The following MIPOL1 variants were observed in gnomAD, a reference collection of about 807,000 sequenced individuals.
MIPOL1 encodes the protein mirror-image polydactyly gene 1 protein.
In MIPOL1, 57 loss-of-function variants were observed where a neutral mutation model predicts 60.9. That is an observed-to-expected ratio of 0.94 (90% CI 0.76 to 1.17). The LOEUF (loss-of-function observed/expected upper bound fraction) is 1.17, where lower values mean the gene tolerates loss of function less well. MIPOL1 is among the 50% of genes most tolerant of loss of function. The pLI is 0.00. For synonymous variants in MIPOL1, 179 were observed against 168.8 expected (o/e 1.06, Z -0.47); for missense variants, 551 against 511.6 (o/e 1.08, Z -0.74).
chr14:37,463,820 C>A (rs1451642338), intron 11 of MIPOL1, among the ~76,000 whole-genome samples: 2 of 152,116 alleles, frequency 1.3e-5, no homozygotes, highest in Non-Finnish European at 2.9e-5. Context: ...ATTAAACTGA[C>A]AACCTACAGA....
chr14:37,532,791 A>G (rs2095487472), intron 12 of MIPOL1, among the ~76,000 whole-genome samples: 1 of 152,136 alleles, frequency 6.6e-6, no homozygotes, highest in Admixed American at 6.5e-5. Context: ...TAATATGAGT[A>G]GTTGCTGTAA....
At chr14:37,420,864 C>T (rs1377178534) in intron 10 of MIPOL1, among the ~76,000 whole-genome samples, 4 of 152,020 alleles carry the variant, frequency 2.6e-5, no homozygotes, top group Non-Finnish European at 5.9e-5. Context: ...AACAAGATCA[C>T]TGTAGCATAG....
chr14:37,424,127 C>T (rs757288427), intron 11 of MIPOL1, among the ~76,000 whole-genome samples: 3 of 152,150 alleles, frequency 2.0e-5, no homozygotes, highest in Admixed American at 6.6e-5. Flanking sequence ...AAGTTAAGCA[C>T]TCCTGCTTTG....
intron 9 of MIPOL1, among the ~76,000 whole-genome samples, chr14:37,337,945 C>T (rs932119585): frequency 6.6e-6 from 1 of 151,952 alleles, no homozygotes; most frequent in African/African-American, 2.4e-5. Flanking sequence ...TTGTCTAACT[C>T]ATGGTCACTA....
At chr14:37,271,793 G>T (rs1045632145) in intron 6 of MIPOL1, among the ~76,000 whole-genome samples, 1 of 151,554 alleles carries the variant, frequency 6.6e-6, no homozygotes, top group Admixed American at 6.6e-5. Flanking sequence ...CAAGAATTTT[G>T]ATGCATTTGC....
intron 11 of MIPOL1, among the ~76,000 whole-genome samples, chr14:37,449,815 C>G (rs372157318): frequency 6.7e-6 from 1 of 148,840 alleles, no homozygotes; most frequent in Non-Finnish European, 1.5e-5. Flanking sequence ...TATTTATTTA[C>G]TTAATTTATT....
intron 9 of MIPOL1, among the ~76,000 whole-genome samples, chr14:37,346,519 A>ATTT (rs1400878742): frequency 1.3e-5 from 2 of 152,052 alleles, no homozygotes; most frequent in Non-Finnish European, 2.9e-5. Context: ...TTTATTTACA[A>ATTT]TTTTTCATGT....
intron 11 of MIPOL1, among the ~76,000 whole-genome samples, chr14:37,477,304 T>C (rs2094791970): frequency 6.6e-6 from 1 of 152,112 alleles, no homozygotes; most frequent in African/African-American, 2.4e-5. Context: ...AGAATTGACA[T>C]CATTTCTTTC....
chr14:37,356,710 G>T (rs2091866547), intron 9 of MIPOL1, among the ~76,000 whole-genome samples: 1 of 152,202 alleles, frequency 6.6e-6, no homozygotes, highest in African/African-American at 2.4e-5. Flanking sequence ...CTCGGAAAGG[G>T]AACTCCCTGA....
At chr14:37,402,404 G>A (rs1203230448) in intron 10 of MIPOL1, among the ~76,000 whole-genome samples, 1 of 152,096 alleles carries the variant, frequency 6.6e-6, no homozygotes, top group Non-Finnish European at 1.5e-5. Context: ...AAATGAAATA[G>A]GAAAAAGATG....
At chr14:37,432,343 G>T (rs2094086687) in intron 11 of MIPOL1, among the ~76,000 whole-genome samples, 1 of 152,092 alleles carries the variant, frequency 6.6e-6, no homozygotes, top group East Asian at 1.9e-4. Context: ...TTTATGTATA[G>T]CAAGACTTTA....
intron 1 of MIPOL1, among the ~76,000 whole-genome samples, chr14:37,244,900 T>C (rs1972948632): frequency 6.6e-6 from 1 of 152,162 alleles, no homozygotes; most frequent in Non-Finnish European, 1.5e-5. Flanking sequence ...TCTCCTATTA[T>C]ATGTAGATAT....
At chr14:37,299,009 T>C (rs1244444844) in intron 7 of MIPOL1, among the ~76,000 whole-genome samples, 1 of 151,876 alleles carries the variant, frequency 6.6e-6, no homozygotes, top group African/African-American at 2.4e-5. Flanking sequence ...GTATGTTTAT[T>C]GTGGCACTAT....
At chr14:37,344,898 T>C (rs2090834361) in intron 9 of MIPOL1, among the ~76,000 whole-genome samples, 1 of 151,654 alleles carries the variant, frequency 6.6e-6, no homozygotes, top group Non-Finnish European at 1.5e-5. Context: ...GGCATGGCGG[T>C]GTGCTCCTGT....
chr14:37,371,619 A>G (rs2092641509), intron 10 of MIPOL1, among the ~76,000 whole-genome samples: 1 of 152,148 alleles, frequency 6.6e-6, no homozygotes, highest in Non-Finnish European at 1.5e-5. Flanking sequence ...TTTTTTAAGC[A>G]TCTGTGTTCA....
intron 7 of MIPOL1, among the ~76,000 whole-genome samples, chr14:37,293,650 CA>C (rs1389527343): frequency 6.6e-6 from 1 of 152,164 alleles, no homozygotes; most frequent in East Asian, 1.9e-4. Context: ...AACGGCACAC[CA>C]GGAGATTATA....
intron 7 of MIPOL1, among the ~76,000 whole-genome samples, chr14:37,286,400 C>A (rs1409068791): frequency 6.6e-6 from 1 of 152,166 alleles, no homozygotes; most frequent in Non-Finnish European, 1.5e-5. Context: ...ACTGGAGATT[C>A]TGTCCTTATA....
At chr14:37,397,383 G>C (rs1425474081) in intron 10 of MIPOL1, among the ~76,000 whole-genome samples, 3 of 151,754 alleles carry the variant, frequency 2.0e-5, no homozygotes, top group Non-Finnish European at 4.4e-5. Flanking sequence ...GGTGGTGGGA[G>C]TGGGGAGGGG....
chr14:37,217,845 A>G (rs1968014648), intron 1 of MIPOL1, among the ~76,000 whole-genome samples: 1 of 152,216 alleles, frequency 6.6e-6, no homozygotes. Context: ...AAGGATGCCC[A>G]CTTTCACCAC....
Sources: allele counts gnomAD v4.1 joint callset (sites outside exome capture counted in the v4.1 genomes callset), GRCh38; gene constraint gnomAD v4.1.1; transcripts MANE v1.5; gene names NCBI Gene and HGNC (gene_info 2026-07-23, HGNC 2026-07-21).